GRID2: variants seen among roughly 807,000 people sequenced by gnomAD.
GRID2 encodes glutamate receptor ionotropic, delta-2.
GRID2 carries 33 observed loss-of-function variants against 114.8 expected under a neutral mutation model. That is an observed-to-expected ratio of 0.29 (90% CI 0.22 to 0.38). The LOEUF is 0.38. GRID2 is among the 10% of genes least tolerant of loss of function. The pLI is 1.00. For missense variants in GRID2, 1,184 were observed against 1,257.7 expected (o/e 0.94, Z 0.89); for synonymous variants, 505 against 449.9 (o/e 1.12, Z -1.55).
chr4:92,713,499 ATATATATATATATATATATT>A, intron 2 of GRID2, among the ~76,000 whole-genome samples: 1 of 128,888 alleles, frequency 7.8e-6, no homozygotes, highest in South Asian at 2.4e-4. Flanking sequence ...ATATATATAT[ATATATATATATATATATATT>A]ACCAAAATTA....
At chr4:92,414,352 C>T (rs546300826) in intron 1 of GRID2, among the ~76,000 whole-genome samples, 5 of 152,298 alleles carry the variant, frequency 3.3e-5, no homozygotes, top group African/African-American at 4.8e-5. Flanking sequence ...GCAAAACTTT[C>T]GTGATTGTCT....
intron 14 of GRID2, among the ~76,000 whole-genome samples, chr4:93,687,976 C>G (rs1726221147): frequency 6.6e-6 from 1 of 151,800 alleles, no homozygotes; most frequent in South Asian, 2.1e-4. Context: ...GGAATTGTCC[C>G]TTGATGGGAG....
intron 2 of GRID2, among the ~76,000 whole-genome samples, chr4:92,644,690 T>C (rs1731523784): frequency 6.6e-6 from 1 of 151,710 alleles, no homozygotes; most frequent in African/African-American, 2.4e-5. Flanking sequence ...ATTAAGAATA[T>C]TTCAAATACT....
At chr4:93,041,569 C>G (rs1191109441) in intron 2 of GRID2, among the ~76,000 whole-genome samples, 11 of 152,052 alleles carry the variant, frequency 7.2e-5, no homozygotes, top group Non-Finnish European at 1.5e-4. Flanking sequence ...ATGAGGGGAG[C>G]TTTAATTCTT....
intron 2 of GRID2, among the ~76,000 whole-genome samples, chr4:92,884,502 G>A (rs550003889): frequency 1.3e-5 from 2 of 152,234 alleles, no homozygotes; most frequent in Admixed American, 1.3e-4. Flanking sequence ...GCCCTGTCTT[G>A]GCATTCAGCA....
intron 14 of GRID2, among the ~76,000 whole-genome samples, chr4:93,663,752 CAAG>C (rs965378571): frequency 1.3e-5 from 2 of 152,058 alleles, no homozygotes; most frequent in African/African-American, 4.8e-5. Flanking sequence ...TCCTATATTT[CAAG>C]AAGGCAATCT....
chr4:92,676,156 G>GCCCCCCCCCCC (rs70942924), intron 2 of GRID2, among the ~76,000 whole-genome samples: 1 of 25,064 alleles, frequency 4.0e-5, no homozygotes, highest in Non-Finnish European at 7.8e-5. Context: ...GTCGTGTCAA[G>GCCCCCCCCCCC]CCCCCCCCCC....
At chr4:93,304,951 G>A (rs549029914) in intron 8 of GRID2, among the ~76,000 whole-genome samples, 1 of 152,258 alleles carries the variant, frequency 6.6e-6, no homozygotes, top group Non-Finnish European at 1.5e-5. Context: ...TCCAAGAAAT[G>A]AGATTTCTTT....
At chr4:92,482,373 G>T (rs1023154266) in intron 1 of GRID2, among the ~76,000 whole-genome samples, 3 of 151,670 alleles carry the variant, frequency 2.0e-5, no homozygotes, top group Non-Finnish European at 4.4e-5. Context: ...TACTTATTGG[G>T]TACTATGCTC....
chr4:93,538,590 C>T (rs1359774639), intron 13 of GRID2, among the ~76,000 whole-genome samples: 3 of 151,660 alleles, frequency 2.0e-5, no homozygotes, highest in Admixed American at 6.6e-5. Context: ...CAAACACTAC[C>T]TTGATCAAGA....
chr4:93,153,481 A>G (rs1290190018), intron 4 of GRID2, among the ~76,000 whole-genome samples: 1 of 152,082 alleles, frequency 6.6e-6, no homozygotes, highest in African/African-American at 2.4e-5. Flanking sequence ...AAGCTTTTTC[A>G]TCCTTTTCCT....
At chr4:93,737,997 T>C (rs1731066669) in intron 14 of GRID2, among the ~76,000 whole-genome samples, 1 of 152,178 alleles carries the variant, frequency 6.6e-6, no homozygotes, top group Non-Finnish European at 1.5e-5. Context: ...GGTGTGGCCA[T>C]ATGACTTGCT....
At chr4:92,840,530 C>CT (rs1418891622) in intron 2 of GRID2, among the ~76,000 whole-genome samples, 4 of 151,856 alleles carry the variant, frequency 2.6e-5, no homozygotes, top group Non-Finnish European at 5.9e-5. Context: ...GATGAACTGT[C>CT]TTTTTGAAAC....
chr4:92,842,229 T>C (rs935535834), intron 2 of GRID2, among the ~76,000 whole-genome samples: 1 of 152,116 alleles, frequency 6.6e-6, no homozygotes, highest in Admixed American at 6.6e-5. Flanking sequence ...ATTCCATAAG[T>C]TATTTGTTTT....
intron 2 of GRID2, among the ~76,000 whole-genome samples, chr4:92,615,208 C>T (rs918867650): frequency 2.0e-5 from 3 of 151,398 alleles, no homozygotes; most frequent in South Asian, 2.1e-4. Flanking sequence ...TGATACATAC[C>T]GAGGTGGGGT....
At chr4:92,881,767 G>C (rs1746037652) in intron 2 of GRID2, among the ~76,000 whole-genome samples, 1 of 152,100 alleles carries the variant, frequency 6.6e-6, no homozygotes, top group Non-Finnish European at 1.5e-5. Flanking sequence ...TTCAAATAAT[G>C]AGGGGAATGA....
At chr4:92,679,542 C>T (rs994057628) in intron 2 of GRID2, among the ~76,000 whole-genome samples, 7 of 152,042 alleles carry the variant, frequency 4.6e-5, no homozygotes, top group Admixed American at 1.3e-4. Context: ...CTATTTTTAA[C>T]ACCTCAACTA....
intron 2 of GRID2, among the ~76,000 whole-genome samples, chr4:92,923,086 A>C (rs944435499): frequency 6.6e-6 from 1 of 152,124 alleles, no homozygotes; most frequent in Non-Finnish European, 1.5e-5. Flanking sequence ...ATATATCACC[A>C]TTTTCTACCA....
rs1277097753 is a variant in GRID2, at chr4:92,935,827, T to A, written c.245-149168T>A. Among the ~76,000 whole-genome samples, 3 of 143,550 alleles carry A rather than the reference T, an allele frequency of 2.1e-5. 1 individual carries two copies. The East Asian group carries it at 6.8e-4, about 32-fold the overall frequency. 94.2% of individuals were successfully genotyped at this position (143,550 alleles called of 152,430 possible). ...GCATGTTCTCACTCATAGGTGGGAA[T>A]TGAATAATGAGAACACATGGACACA... is the stretch of plus-strand genomic sequence containing the variant. On this transcript the variant is annotated intron_variant, in intron 2 of 15. Transcript: ENST00000282020.
Sources: allele counts gnomAD v4.1 joint callset (sites outside exome capture counted in the v4.1 genomes callset), GRCh38; gene constraint gnomAD v4.1.1; transcripts MANE v1.5; gene names NCBI Gene and HGNC (gene_info 2026-07-23, HGNC 2026-07-21).